CA10: variants seen among roughly 807,000 people sequenced by gnomAD.
CA10 encodes the protein carbonic anhydrase-related protein 10.
In CA10, 14 loss-of-function variants were observed where a neutral mutation model predicts 44.2. The ratio of observed to expected loss-of-function variants is 0.32; its 90% CI spans 0.21 to 0.50. CA10 has a LOEUF of 0.50. CA10 is among the 20% of genes least tolerant of loss of function. CA10 has a pLI of 0.99. For synonymous variants in CA10, 159 were observed against 141.6 expected (o/e 1.12, Z -0.87); for missense variants, 350 against 409.7 (o/e 0.85, Z 1.26).
chr17:51,989,518 C>T (rs1283401857), intron 2 of CA10, among the ~76,000 whole-genome samples: 1 of 151,980 alleles, frequency 6.6e-6, no homozygotes, highest in Non-Finnish European at 1.5e-5. Context: ...TTCATTGCAG[C>T]ACTATTCATG....
chr17:52,083,340 T>A (rs4331377), intron 1 of CA10, among the ~76,000 whole-genome samples: 80,546 of 151,666 alleles, frequency 0.53, 22,460 homozygotes, highest in African/African-American at 0.69. Flanking sequence ...GGAAAATACA[T>A]GGCACCCTGG....
chr17:52,116,877 A>G (rs1203753099), intron 1 of CA10, among the ~76,000 whole-genome samples: 1 of 152,186 alleles, frequency 6.6e-6, no homozygotes, highest in African/African-American at 2.4e-5. Flanking sequence ...GAAAAAGGAT[A>G]TATGAGGTTG....
chr17:51,645,210 C>T (rs1409723024), intron 6 of CA10, among the ~76,000 whole-genome samples: 1 of 152,292 alleles, frequency 6.6e-6, no homozygotes, highest in Middle Eastern at 3.4e-3. Context: ...CTGCAATCCT[C>T]TTCTATTGTG....
chr17:51,878,857 TATATATATATATATATATATATATATATA>T lies in CA10; in HGVS notation c.279+52104_279+52132del, dbSNP rs1205167020. Among the ~76,000 whole-genome samples the T allele has an allele frequency of 4.3e-3, 97 of 22,472 alleles. 4 individuals are homozygous for T. The highest frequency in any genetic ancestry group is 0.018 in the African/African-American group (82 of 4,650). 14.7% of individuals were successfully genotyped at this position (22,472 alleles called of 152,430 possible). A position where few individuals can be genotyped will look rare whatever the true frequency, so the allele number is the denominator to read the frequency against. On this transcript the variant is annotated intron_variant, in intron 3 of 8. Coordinates refer to ENST00000451037, the MANE Select transcript of CA10 (RefSeq NM_020178.5). ...ATATATATATATATATATATATATA[TATATATATATATATATATATATATATATA>T]TATATGGGTGTGTGTGTGTGTGTGT...
intron 3 of CA10, among the ~76,000 whole-genome samples, chr17:51,802,392 A>C (rs1475445780): frequency 6.6e-6 from 1 of 152,060 alleles, no homozygotes; most frequent in Non-Finnish European, 1.5e-5. Flanking sequence ...CTCTCCAAAA[A>C]GGCTTTGTCT....
chr17:51,671,921 C>A (rs1404963689), intron 4 of CA10, among the ~76,000 whole-genome samples: 1 of 152,212 alleles, frequency 6.6e-6, no homozygotes, highest in Admixed American at 6.5e-5. Context: ...ATGATAGCTT[C>A]TCTGCTTGTA....
At chr17:51,681,639 C>T (rs28428722) in intron 4 of CA10, among the ~76,000 whole-genome samples, 9,960 of 152,136 alleles carry the variant, frequency 0.065, 1,036 homozygotes, top group African/African-American at 0.22. Context: ...GGTCCTCGAT[C>T]GAGACCACTG....
intron 2 of CA10, among the ~76,000 whole-genome samples, chr17:52,055,074 T>A (rs1354941079): frequency 5.3e-5 from 8 of 152,046 alleles, no homozygotes; most frequent in Non-Finnish European, 1.0e-4. Flanking sequence ...CCAGTGACAT[T>A]TTTGAACTTC....
intron 4 of CA10, among the ~76,000 whole-genome samples, chr17:51,718,102 C>G (rs953475613): frequency 1.3e-5 from 2 of 150,900 alleles, no homozygotes; most frequent in Admixed American, 1.3e-4. Flanking sequence ...AAAAGACATA[C>G]AAATATGGTG....
At chr17:51,812,286 C>A (rs987692964) in intron 3 of CA10, among the ~76,000 whole-genome samples, 6 of 152,160 alleles carry the variant, frequency 3.9e-5, no homozygotes, top group African/African-American at 1.4e-4. Flanking sequence ...TTTACTAATT[C>A]TTTTCATAAT....
At position 51,630,824 on chromosome 17, in the gene CA10, T is replaced by C. The variant is rs1419299907; in HGVS notation, c.*760A>G. ...CTGGTAACAATAACCAAACACAATG[T>C]ATGACCTTTGGAAAACAAGAAACAG... On this transcript the variant is annotated 3_prime_UTR_variant, in exon 9 of 9. Transcript: ENST00000451037. The C allele has an allele frequency of 6.6e-6, 1 of 152,662 alleles. No homozygotes were observed. The highest frequency in any genetic ancestry group is 1.5e-5 in the Non-Finnish European group (1 of 68,050). 9.5% of individuals were successfully genotyped at this position (152,662 alleles called of 1,614,324 possible). A position where few individuals can be genotyped will look rare whatever the true frequency, so the allele number is the denominator to read the frequency against.
intron 1 of CA10, among the ~76,000 whole-genome samples, chr17:52,149,360 G>A (rs1989654757): frequency 6.6e-6 from 1 of 152,216 alleles, no homozygotes; most frequent in African/African-American, 2.4e-5. Context: ...TGTATGCTGT[G>A]TCCTTCATAA....
intron 2 of CA10, among the ~76,000 whole-genome samples, chr17:52,063,321 T>C (rs1165819576): frequency 1.3e-5 from 2 of 152,206 alleles, no homozygotes; most frequent in Non-Finnish European, 2.9e-5. Flanking sequence ...GAGTAGATGC[T>C]AGAACAAGTT....
chr17:51,928,577 T>C (rs1982522665), intron 3 of CA10, among the ~76,000 whole-genome samples: 1 of 152,126 alleles, frequency 6.6e-6, no homozygotes, highest in Non-Finnish European at 1.5e-5. Context: ...GAATAATGCT[T>C]GTGGATAAAA....
intron 1 of CA10, among the ~76,000 whole-genome samples, chr17:52,106,251 G>A (rs1988660144): frequency 1.3e-5 from 2 of 152,134 alleles, no homozygotes; most frequent in South Asian, 4.1e-4. Flanking sequence ...CCTGACCACG[G>A]GGCCATTCAT....
intron 2 of CA10, among the ~76,000 whole-genome samples, chr17:52,014,769 T>A (rs1327574694): frequency 6.6e-6 from 1 of 151,944 alleles, no homozygotes; most frequent in East Asian, 1.9e-4. Flanking sequence ...TAATATAAAC[T>A]AAAAACTCAC....
At chr17:52,114,194 A>G (rs557594009) in intron 1 of CA10, among the ~76,000 whole-genome samples, 26 of 152,316 alleles carry the variant, frequency 1.7e-4, no homozygotes, top group African/African-American at 6.3e-4. Flanking sequence ...TATTTCCTAG[A>G]TGTTTGGGGA....
chr17:51,901,571 G>T (rs1330596362), intron 3 of CA10, among the ~76,000 whole-genome samples: 1 of 152,112 alleles, frequency 6.6e-6, no homozygotes, highest in East Asian at 1.9e-4. Context: ...CAGTGTTCCT[G>T]CATGTACTTG....
At chr17:51,785,628 A>G (rs935778516) in intron 3 of CA10, among the ~76,000 whole-genome samples, 1 of 152,132 alleles carries the variant, frequency 6.6e-6, no homozygotes, top group Non-Finnish European at 1.5e-5. Context: ...TAAAAACCAA[A>G]AATAGAGTAC....
Sources: gnomAD v4.1 joint callset for allele counts (sites outside exome capture counted in the v4.1 genomes callset) on GRCh38, gnomAD v4.1.1 for gene constraint, MANE v1.5 for transcripts, NCBI Gene and HGNC (gene_info 2026-07-23, HGNC 2026-07-21) for gene names.